The following CFAP74 variants were observed in gnomAD, a reference collection of about 807,000 sequenced individuals.
The protein encoded by CFAP74 is cilia- and flagella-associated protein 74.
A neutral mutation model predicts 188.9 loss-of-function variants in CFAP74; 124 were observed. The ratio of observed to expected loss-of-function variants is 0.66; its 90% CI spans 0.57 to 0.76. The LOEUF is 0.76. Ranked by LOEUF, CFAP74 falls within the 30% of genes least tolerant of loss-of-function variation. CFAP74 has a pLI of 0.00. For synonymous variants in CFAP74, 956 were observed against 916.7 expected (o/e 1.04, Z -0.77); for missense variants, 2,198 against 2,165.2 (o/e 1.02, Z -0.30).
At chr1:1,952,318 T>C (rs1455172286) in intron 18 of CFAP74, among the ~76,000 whole-genome samples, 2 of 126,000 alleles carry the variant, frequency 1.6e-5, no homozygotes, top group Admixed American at 7.9e-5. Context: ...GAGAAGAAAA[T>C]AAAGGAAGAG....
In CFAP74 at chr1:1,944,433, C is replaced by T. The variant is rs1214547631; in HGVS notation, c.2384G>A (p.Gly795Asp). 7 of 1,536,054 alleles carry T rather than the reference C, an allele frequency of 4.6e-6. No individual in the cohort carries two copies. Among genetic ancestry groups the T allele is most frequent in the Non-Finnish European group, 6.1e-6 (7 of 1,146,870 alleles). ...CCAGACCGGCACATCGATGGCCACGCCCACGACCCTGAAATGCAGCTGCAT... is the reference window on the plus strand; with the variant it reads ...CCAGACCGGCACATCGATGGCCACGTCCACGACCCTGAAATGCAGCTGCAT... ...QCPTLHFRVV[G>D]VAIDVPVWVP... Residue 795 changes from glycine (G) to aspartate (D), a missense_variant, in exon 21 of 39, where the codon GGC becomes GAC. Gly to Asp is a moderately conservative substitution (Grantham distance 94). Coordinates refer to ENST00000682832, the MANE Select transcript of CFAP74 (RefSeq NM_001304360.2).
At chr1:1,935,510 GTTAGGTTGTAGGTACACACGTGTGTACC>G (rs1557998621) in intron 25 of CFAP74, among the ~76,000 whole-genome samples, 7 of 87,634 alleles carry the variant, frequency 8.0e-5, no homozygotes, top group South Asian at 4.7e-4. Flanking sequence ...GTGCACGTGG[GTTAGGTTGTAGGTACACACGTGTGTACC>G]TGTTAGGTTG....
At chr1:1,977,359 CA>C (rs2102088419) in intron 6 of CFAP74, among the ~76,000 whole-genome samples, 1 of 152,262 alleles carries the variant, frequency 6.6e-6, no homozygotes, top group South Asian at 2.1e-4. Flanking sequence ...CCCAAACCGC[CA>C]AGCCCCTCTG....
At chr1:2,002,305 T>A (rs1571008325) in intron 1 of CFAP74, among the ~76,000 whole-genome samples, 1 of 151,780 alleles carries the variant, frequency 6.6e-6, no homozygotes, top group Non-Finnish European at 1.5e-5. Context: ...TTATATATAT[T>A]ATTAAACTTA....
chr1:1,943,546 C>A (rs1167608708), intron 21 of CFAP74, among the ~76,000 whole-genome samples: 2 of 152,228 alleles, frequency 1.3e-5, no homozygotes, highest in African/African-American at 4.8e-5. Context: ...CAGGCCCAGC[C>A]TCGCCGTCCC....
intron 20 of CFAP74, among the ~76,000 whole-genome samples, chr1:1,945,479 C>A: frequency 6.6e-6 from 1 of 152,116 alleles, no homozygotes; most frequent in East Asian, 1.9e-4. Context: ...GACAGGCAAC[C>A]GCCCCAGCCC....
intron 10 of CFAP74, among the ~76,000 whole-genome samples, chr1:1,970,046 C>T (rs1308530187): frequency 6.6e-6 from 1 of 152,192 alleles, no homozygotes; most frequent in Non-Finnish European, 1.5e-5. Flanking sequence ...AACCTGGCCC[C>T]GAGGTCTGGA....
At chr1:1,946,189 C>T (rs1653764262) in intron 20 of CFAP74, 128 bp downstream of exon 20, 1 of 1,166,448 alleles carries the variant, frequency 8.6e-7, no homozygotes, top group Non-Finnish European at 1.2e-6. Flanking sequence ...TGGTGCCAAC[C>T]ATCCGTGCCA....
At chr1:1,976,471 C>T (rs1033123728) in intron 6 of CFAP74, among the ~76,000 whole-genome samples, 9 of 152,102 alleles carry the variant, frequency 5.9e-5, no homozygotes, top group African/African-American at 4.8e-5. Flanking sequence ...CTTCCCGAGG[C>T]GCCCCGAGAA....
intron 25 of CFAP74, 42 bp from the exon 26 acceptor site, chr1:1,930,378 T>A (rs1476311429): frequency 6.8e-7 from 1 of 1,474,052 alleles, no homozygotes; most frequent in Non-Finnish European, 9.0e-7. Context: ...GTGCAGGGCG[T>A]CCGTGTCCCT....
intron 1 of CFAP74, among the ~76,000 whole-genome samples, chr1:1,999,940 C>T (rs577906923): frequency 3.8e-4 from 58 of 151,896 alleles, no homozygotes; most frequent in Middle Eastern, 3.4e-3. Context: ...CTGAGGCGGG[C>T]GGATCATGAG....
chr1:1,958,196 C>T (rs989720053), intron 16 of CFAP74, among the ~76,000 whole-genome samples: 22 of 152,338 alleles, frequency 1.4e-4, no homozygotes, highest in African/African-American at 2.2e-4. Flanking sequence ...GCCTGGATCA[C>T]GGGTGACCAT....
chr1:1,959,807 A>G (rs752304980), intron 15 of CFAP74, among the ~76,000 whole-genome samples, 157 bp downstream of exon 15: 1 of 152,144 alleles, frequency 6.6e-6, no homozygotes, highest in Non-Finnish European at 1.5e-5. Context: ...TGTTGAGTGT[A>G]TTTTTGGAAG....
intron 22 of CFAP74, among the ~76,000 whole-genome samples, chr1:1,940,815 G>C (rs1365702236): frequency 6.6e-6 from 1 of 152,180 alleles, no homozygotes; most frequent in Non-Finnish European, 1.5e-5. Flanking sequence ...CGTTGTTAAA[G>C]AACTATCAGG....
Position 1,941,794 on chromosome 1 carries a change from G to C in CFAP74, c.2615+234C>G, listed in dbSNP as rs543573906. On this transcript the variant is annotated intron_variant, in intron 22 of 38. Coordinates refer to ENST00000682832, the MANE Select transcript of CFAP74 (RefSeq NM_001304360.2). ...GAGGCTGGAATAATTGGAAACCTCT[G>C]TACAAAAAAATGAACTTCAACTCGG... 5.1e-4 allele frequency among the ~76,000 whole-genome samples: 77 copies of C among 152,286 alleles called. No homozygotes were observed. In the South Asian group the frequency reaches 0.011, roughly 21 times the overall value.
At position 1,925,897 on chromosome 1, in the gene CFAP74, G is replaced by T. The variant is rs1045554685; in HGVS notation, c.3990C>A (p.Leu1330=). 22 of 1,612,440 alleles carry T rather than the reference G, an allele frequency of 1.4e-5. No individual in the cohort carries two copies. The highest frequency in any genetic ancestry group is 1.0e-5 in the Non-Finnish European group (12 of 1,179,864). The part of the protein sequence containing the change: ...TLDIITKRGT[L]TLTLMGTGVA... ...CGCCAGTGCCCATGAGGGTGAGGGT[G>T]AGCGTGCCTCTCTTGGTGATGATGT... is the stretch of plus-strand genomic sequence containing the variant. The change falls in exon 33 of 39, where the codon CTC becomes CTA. Residue 1330 remains leucine (L), a synonymous_variant. Coordinates refer to ENST00000682832, the MANE Select transcript of CFAP74 (RefSeq NM_001304360.2).
rs112793403 is a variant in CFAP74, at chr1:1,972,221, C to G, written c.786-139G>C. 4,416 of 669,056 alleles carry G rather than the reference C, an allele frequency of 6.6e-3. 150 individuals are homozygous for G. In the East Asian group the frequency reaches 0.081, roughly 12 times the overall value. The allele number at this position is 669,056 out of a possible 1,614,324, so 41.4% of individuals were successfully genotyped here. A position where few individuals can be genotyped will look rare whatever the true frequency, so the allele number is the denominator to read the frequency against. ...TCAGCCTCCCAAAGCGCTGGGATCA[C>G]AGGCATGCACCACCACAAACGGCCA... On this transcript the variant is annotated intron_variant, in intron 8 of 38. Coordinates refer to ENST00000682832, the MANE Select transcript of CFAP74 (RefSeq NM_001304360.2).
chr1:1,963,809 G>A lies in CFAP74; in HGVS notation c.1634C>T (p.Thr545Met), dbSNP rs201497671. ...KKITLVNTTYTINYCKLVGVE... is the reference protein window; with the variant it reads ...KKITLVNTTYMINYCKLVGVE... ...GCCCACCAGCTTGCAGTAGTTGATC[G>A]TGTAGGTGGTGTTTACCAACGTGAT... Residue 545 changes from threonine (T) to methionine (M), a missense_variant, in exon 14 of 39, where the codon ACG becomes ATG. Physicochemically the swap from Thr to Met is moderately conservative, Grantham distance 81 (BLOSUM62 -1). Transcript: ENST00000682832. 30 of 1,613,964 alleles carry A rather than the reference G, an allele frequency of 1.9e-5. No homozygotes were observed. Among genetic ancestry groups the A allele is most frequent in the East Asian group, 6.7e-5 (3 of 44,886 alleles).
At chr1:1,955,871 C>T (rs1654583718) in intron 17 of CFAP74, 21 bp from the exon 18 acceptor site, 2 of 1,598,100 alleles carry the variant, frequency 1.3e-6, no homozygotes, top group Non-Finnish European at 8.5e-7. Flanking sequence ...GAATCAACAT[C>T]CTGGCTTGGG....
Sources: gnomAD v4.1 joint callset for allele counts (sites outside exome capture counted in the v4.1 genomes callset) on GRCh38, gnomAD v4.1.1 for gene constraint, MANE v1.5 for transcripts, NCBI Gene and HGNC (gene_info 2026-07-23, HGNC 2026-07-21) for gene names.